The following GLB1 variants were observed in gnomAD, a reference collection of about 807,000 sequenced individuals.
GLB1 encodes galactosidase beta 1, also known as beta-galactosidase.
A neutral mutation model predicts 74.0 loss-of-function variants in GLB1; 56 were observed. The ratio of observed to expected loss-of-function variants is 0.76; its 90% CI spans 0.61 to 0.94. The LOEUF is 0.94. Among genes scored for constraint, GLB1 ranks in the 40% least tolerant of loss-of-function variants. The pLI is 0.00. For synonymous variants in GLB1, 323 were observed against 323.6 expected, an observed-to-expected ratio of 1.00 and a Z score of 0.02; for missense variants, 787 against 845.5, an observed-to-expected ratio of 0.93 and a Z score of 0.86.
chr3:33,039,477 C>G (rs1011183977), intron 10 of GLB1, among the ~76,000 whole-genome samples: 1 of 151,992 alleles, frequency 6.6e-6, no homozygotes, highest in Non-Finnish European at 1.5e-5. Flanking sequence ...CTGACAAATG[C>G]AATCATTGAA....
intron 1 of GLB1, chr3:33,077,286 C>T (rs1267312090): frequency 6.4e-7 from 1 of 1,573,646 alleles, no homozygotes; most frequent in Admixed American, 1.7e-5. Flanking sequence ...CAGGAGGGTT[C>T]TGTGGTGCAG....
chr3:33,029,597 A>T (rs1442114186), intron 10 of GLB1, among the ~76,000 whole-genome samples: 1 of 152,216 alleles, frequency 6.6e-6, no homozygotes, highest in East Asian at 1.9e-4. Context: ...TGGCATATAT[A>T]CACCATGGAA....
intron 5 of GLB1, among the ~76,000 whole-genome samples, chr3:33,060,113 G>T (rs974049389): frequency 6.6e-6 from 1 of 152,212 alleles, no homozygotes; most frequent in Non-Finnish European, 1.5e-5. Context: ...GAAGAATGGT[G>T]AGTGACAAAA....
the GLB1 span, among the ~76,000 whole-genome samples, chr3:32,973,673 A>G: frequency 6.6e-6 from 1 of 152,006 alleles, no homozygotes; most frequent in African/African-American, 2.4e-5. Flanking sequence ...ATTACTTTCA[A>G]TGGCCAAAAC....
At chr3:33,086,915 C>T (rs1700523342) in intron 1 of GLB1, among the ~76,000 whole-genome samples, 2 of 146,052 alleles carry the variant, frequency 1.4e-5, no homozygotes, top group African/African-American at 5.1e-5. Context: ...AAAAAATAAA[C>T]CCAAAGCTAG....
intron 5 of GLB1, chr3:33,061,828 C>T (rs1394545437): frequency 6.6e-6 from 1 of 152,194 alleles, no homozygotes; most frequent in Admixed American, 6.5e-5. Context: ...AGATAAACAT[C>T]CACATATGCA....
chr3:32,982,254 G>A, the GLB1 span, among the ~76,000 whole-genome samples: 2 of 150,854 alleles, frequency 1.3e-5, no homozygotes, highest in East Asian at 3.9e-4. Flanking sequence ...TGGAGGTTGT[G>A]GTGAGCCGAG....
intron 1 of GLB1, chr3:33,092,484 T>C (rs944026671): frequency 1.9e-6 from 2 of 1,056,172 alleles, no homozygotes; most frequent in Non-Finnish European, 2.3e-6. Context: ...CCCCACCTTC[T>C]AGAGGTATGC....
At chr3:33,096,878 G>A (rs1701055058) in intron 1 of GLB1, 133 bp downstream of exon 1, 1 of 1,436,398 alleles carries the variant, frequency 7.0e-7, no homozygotes, top group Non-Finnish European at 9.1e-7. Flanking sequence ...CGCCGGCCGC[G>A]AGCCTGCTGG....
chr3:33,075,821 C>T (rs780999395), intron 1 of GLB1, among the ~76,000 whole-genome samples: 37 of 152,092 alleles, frequency 2.4e-4, no homozygotes, highest in Middle Eastern at 3.4e-3. Flanking sequence ...GCAGGTGGAT[C>T]ACGAGGTCGG....
intron 15 of GLB1, among the ~76,000 whole-genome samples, chr3:33,000,683 C>T (rs986066971): frequency 7.2e-5 from 11 of 152,082 alleles, no homozygotes; most frequent in African/African-American, 2.7e-4. Flanking sequence ...GCTGAGATTG[C>T]ACCACTGCAC....
intron 1 of GLB1, chr3:33,090,536 T>C: frequency 5.1e-6 from 5 of 985,346 alleles, no homozygotes; most frequent in Non-Finnish European, 6.0e-6. Context: ...ATCTAACAGA[T>C]TAAAAATAAA....
chr3:33,024,396 T>G, intron 10 of GLB1, 71 bp from the exon 11 acceptor site: 7 of 1,499,606 alleles, frequency 4.7e-6, no homozygotes, highest in Non-Finnish European at 6.3e-6. Context: ...ATTCATAAAA[T>G]TTATTATTTG....
intron 9 of GLB1, among the ~76,000 whole-genome samples, chr3:33,047,965 A>AT (rs1225244913): frequency 6.6e-6 from 1 of 151,402 alleles, no homozygotes; most frequent in African/African-American, 2.4e-5. Context: ...AAAAAAAAAA[A>AT]CCCACATCCG....
chr3:33,088,492 C>A (rs1259743493), intron 1 of GLB1, among the ~76,000 whole-genome samples: 1 of 151,584 alleles, frequency 6.6e-6, no homozygotes, highest in Non-Finnish European at 1.5e-5. Flanking sequence ...CTTCTCTATA[C>A]ACTAAAAATG....
intron 15 of GLB1, among the ~76,000 whole-genome samples, chr3:33,011,010 C>T (rs757016171): frequency 6.6e-5 from 10 of 152,116 alleles, no homozygotes; most frequent in South Asian, 2.1e-4. Flanking sequence ...TTACTCACCA[C>T]CACGCCTGGC....
chr3:33,078,459 T>C (rs189113376), intron 1 of GLB1, among the ~76,000 whole-genome samples: 1 of 152,322 alleles, frequency 6.6e-6, no homozygotes, highest in East Asian at 1.9e-4. Context: ...GTCTCTCATG[T>C]TATGATTTAA....
At chr3:33,085,185 G>A (rs1437258843) in intron 1 of GLB1, among the ~76,000 whole-genome samples, 1 of 147,108 alleles carries the variant, frequency 6.8e-6, no homozygotes, top group African/African-American at 2.5e-5. Context: ...GAGGTGGGAG[G>A]ATTGCTTGAG....
Position 32,996,866 on chromosome 3 carries a change from C to T in GLB1, c.*179G>A, listed in dbSNP as rs1696323464. Reference sequence around the variant, plus strand: ...TGTGCTGTCAGCCCCTCACACATTCCAGGTGGTCCCTGAAGGTGGGGCTTT... The same window carrying T: ...TGTGCTGTCAGCCCCTCACACATTCTAGGTGGTCCCTGAAGGTGGGGCTTT... On this transcript the variant is annotated 3_prime_UTR_variant, in exon 16 of 16. Coordinates refer to ENST00000307363, the MANE Select transcript of GLB1 (RefSeq NM_000404.4). 1.8e-6 allele frequency: 2 copies of T among 1,106,722 alleles called. No individual in the cohort carries two copies. Among genetic ancestry groups the T allele is most frequent in the Non-Finnish European group, 2.6e-6 (2 of 773,112 alleles). 68.6% of individuals were successfully genotyped at this position (1,106,722 alleles called of 1,614,324 possible).
Sources: allele counts gnomAD v4.1 joint callset (sites outside exome capture counted in the v4.1 genomes callset), GRCh38; gene constraint gnomAD v4.1.1; transcripts MANE v1.5; gene names NCBI Gene and HGNC (gene_info 2026-07-23, HGNC 2026-07-21).